The following RABGEF1 variants were observed in gnomAD, a reference collection of about 807,000 sequenced individuals.
RABGEF1 encodes rab5 GDP/GTP exchange factor.
A neutral mutation model predicts 57.3 loss-of-function variants in RABGEF1; 26 were observed. The observed-to-expected ratio is 0.45, with a 90% CI of 0.33 to 0.63. The LOEUF is 0.63. Ranked by LOEUF, RABGEF1 falls within the 20% of genes least tolerant of loss-of-function variation. RABGEF1 has a pLI of 0.02. For synonymous variants in RABGEF1, 185 were observed against 210.7 expected (o/e 0.88, Z 1.06); for missense variants, 464 against 607.6 (o/e 0.76, Z 2.48).
intron 1 of RABGEF1, among the ~76,000 whole-genome samples, chr7:66,747,616 G>A (rs1585123335): frequency 1.3e-5 from 2 of 152,142 alleles, no homozygotes; most frequent in African/African-American, 4.8e-5. Context: ...CATAGTGAAA[G>A]TTTTATTTTT....
At chr7:66,763,552 T>C (rs1562808347) in intron 1 of RABGEF1, among the ~76,000 whole-genome samples, 2 of 152,234 alleles carry the variant, frequency 1.3e-5, no homozygotes, top group African/African-American at 2.4e-5. Context: ...TACCATAGAA[T>C]TCTCCCTTTT....
At chr7:66,746,101 C>A (rs1800153107) in intron 1 of RABGEF1, among the ~76,000 whole-genome samples, 1 of 152,140 alleles carries the variant, frequency 6.6e-6, no homozygotes, top group Non-Finnish European at 1.5e-5. Context: ...ACTATTGTTA[C>A]AATATGTAAA....
At chr7:66,804,095 T>C (rs1003548182) in intron 7 of RABGEF1, among the ~76,000 whole-genome samples, 5 of 151,852 alleles carry the variant, frequency 3.3e-5, no homozygotes, top group Non-Finnish European at 7.4e-5. Context: ...GATTTTTTTT[T>C]TTTTTTTTAA....
chr7:66,804,358 G>A (rs1458809171), intron 7 of RABGEF1, among the ~76,000 whole-genome samples: 2 of 152,146 alleles, frequency 1.3e-5, no homozygotes, highest in Non-Finnish European at 2.9e-5. Context: ...ATGTAACAGA[G>A]GCACAGAAGC....
At chr7:66,662,276 G>T in the RABGEF1 span, among the ~76,000 whole-genome samples, 1 of 151,700 alleles carries the variant, frequency 6.6e-6, no homozygotes. Flanking sequence ...AGACCAGCCT[G>T]TGCAACATAG....
chr7:66,729,029 C>A (rs1196180832), intron 2 of RABGEF1, among the ~76,000 whole-genome samples: 10 of 151,454 alleles, frequency 6.6e-5, no homozygotes, highest in Non-Finnish European at 1.5e-4. Context: ...CGACTCACTG[C>A]AACCTCTGCC....
chr7:66,794,505 A>G (rs755526185), intron 4 of RABGEF1, among the ~76,000 whole-genome samples: 1 of 152,216 alleles, frequency 6.6e-6, no homozygotes, highest in Non-Finnish European at 1.5e-5. Flanking sequence ...GCCTTTAAAT[A>G]TTCTTTGGCA....
chr7:66,749,010 C>A, intron 1 of RABGEF1: 1 of 169,684 alleles, frequency 5.9e-6, no homozygotes, highest in East Asian at 1.7e-4. Context: ...GATATCAGGC[C>A]TTCAGGCTCA....
chr7:66,670,304 T>A, the RABGEF1 span, among the ~76,000 whole-genome samples: 1 of 152,114 alleles, frequency 6.6e-6, no homozygotes, highest in African/African-American at 2.4e-5. Context: ...AGGTCTCAGC[T>A]GGGAGCTTAC....
At chr7:66,746,618 CTTTTTTTTTTT>C (rs1206614304) in intron 1 of RABGEF1, among the ~76,000 whole-genome samples, 2 of 92,174 alleles carry the variant, frequency 2.2e-5, no homozygotes, top group African/African-American at 8.0e-5. Flanking sequence ...ATAATATAAC[CTTTTTTTTTTT>C]TTTTTTTTTT....
At chr7:66,666,669 C>T in the RABGEF1 span, among the ~76,000 whole-genome samples, 248 of 152,318 alleles carry the variant, frequency 1.6e-3, 1 homozygote, top group Admixed American at 2.8e-3. Context: ...TCACAGCCGG[C>T]GGGTGGAGCC....
intron 2 of RABGEF1, among the ~76,000 whole-genome samples, chr7:66,773,302 C>T (rs1381620630): frequency 6.6e-6 from 1 of 152,126 alleles, no homozygotes; most frequent in Non-Finnish European, 1.5e-5. Flanking sequence ...AGAGTAGAGG[C>T]CACTAGGCAC....
intron 1 of RABGEF1, among the ~76,000 whole-genome samples, chr7:66,753,258 G>C (rs1460800870): frequency 6.6e-6 from 1 of 152,100 alleles, no homozygotes; most frequent in Non-Finnish European, 1.5e-5. Context: ...AATCAAAGGG[G>C]GTGCTTTTAG....
chr7:66,763,243 A>G (rs1365652449), intron 1 of RABGEF1, among the ~76,000 whole-genome samples: 1 of 152,106 alleles, frequency 6.6e-6, no homozygotes, highest in Non-Finnish European at 1.5e-5. Context: ...TGAGGACCTC[A>G]GGAGGTCAGA....
chr7:66,724,745 A>G (rs2117562185), intron 2 of RABGEF1, among the ~76,000 whole-genome samples: 1 of 152,320 alleles, frequency 6.6e-6, no homozygotes, highest in African/African-American at 2.4e-5. Context: ...TTTGAAAAAA[A>G]TTCAGCAATT....
chr7:66,779,720 G>A (rs76125420), intron 3 of RABGEF1, among the ~76,000 whole-genome samples: 3,802 of 151,200 alleles, frequency 0.025, 77 homozygotes, highest in Admixed American at 0.04. Context: ...TTAAGTTTAG[G>A]AGCAAGCACT....
At chr7:66,715,187 A>G (rs797009802) in intron 2 of RABGEF1, among the ~76,000 whole-genome samples, 9 of 151,994 alleles carry the variant, frequency 5.9e-5, no homozygotes, top group African/African-American at 2.2e-4. Flanking sequence ...GAGTACCATG[A>G]CAGGATCCTA....
intron 1 of RABGEF1, among the ~76,000 whole-genome samples, chr7:66,695,726 G>A (rs1027492418): frequency 1.3e-5 from 2 of 152,288 alleles, no homozygotes; most frequent in Admixed American, 1.3e-4. Context: ...AGCACTTTGG[G>A]AGGCTGAGGC....
intron 1 of RABGEF1, among the ~76,000 whole-genome samples, chr7:66,688,367 G>A (rs1206322150): frequency 6.6e-6 from 1 of 152,136 alleles, no homozygotes; most frequent in East Asian, 1.9e-4. Context: ...TCAGAGACCA[G>A]ATCAATAGGA....
Sources: allele counts gnomAD v4.1 joint callset (sites outside exome capture counted in the v4.1 genomes callset), GRCh38; gene constraint gnomAD v4.1.1; transcripts MANE v1.5; gene names NCBI Gene and HGNC (gene_info 2026-07-23, HGNC 2026-07-21).